CUBN: variants seen among roughly 807,000 people sequenced by gnomAD.
CUBN encodes 460 kDa receptor.
Under a neutral mutation model 405.3 loss-of-function variants are expected in CUBN, and 282 were observed. The ratio of observed to expected loss-of-function variants is 0.70; its 90% CI spans 0.63 to 0.77. CUBN has a LOEUF of 0.77. CUBN is among the 30% of genes least tolerant of loss of function. CUBN has a pLI of 0.00. For missense variants in CUBN, 4,514 were observed against 4,475.2 expected (o/e 1.01, Z -0.25); for synonymous variants, 1,684 against 1,617.0 (o/e 1.04, Z -0.99).
At chr10:17,013,984 G>C (rs545445709) in intron 28 of CUBN, among the ~76,000 whole-genome samples, 2 of 152,304 alleles carry the variant, frequency 1.3e-5, no homozygotes, top group African/African-American at 2.4e-5. Flanking sequence ...CATCCTCTGG[G>C]AGAAAAGTGG....
intron 8 of CUBN, 79 bp downstream of exon 8, chr10:17,113,945 CTCA>C: frequency 7.4e-7 from 1 of 1,352,284 alleles, no homozygotes; most frequent in African/African-American, 1.4e-5. Flanking sequence ...TGTCTTCTTA[CTCA>C]TCAATAGTGA....
intron 35 of CUBN, among the ~76,000 whole-genome samples, chr10:16,947,758 C>T (rs1349097868): frequency 4.6e-5 from 7 of 152,218 alleles, no homozygotes; most frequent in African/African-American, 1.7e-4. Flanking sequence ...GAAATGCACA[C>T]ACCAATCTTC....
intron 13 of CUBN, 47 bp from the exon 14 acceptor site, chr10:17,100,286 T>A: frequency 7.8e-7 from 1 of 1,278,592 alleles, no homozygotes; most frequent in African/African-American, 1.5e-5. Flanking sequence ...TCCATGTAAA[T>A]TTTAAAGTAT....
chr10:17,118,104 A>G (rs1836947739), intron 6 of CUBN, among the ~76,000 whole-genome samples: 1 of 152,078 alleles, frequency 6.6e-6, no homozygotes, highest in Non-Finnish European at 1.5e-5. Context: ...TGCTATTATC[A>G]CTGGGAGATG....
In CUBN at chr10:17,089,858, C is replaced by T. The variant is rs138992522; in HGVS notation, c.1766-1513G>A. On this transcript the variant is annotated intron_variant, in intron 14 of 66. Transcript: ENST00000377833. The stretch of plus-strand genomic sequence containing the variant: ...TTGGAAACAAGACTGGGTGTGATGT[C>T]TCATGCTTGTAGTCCCAGCACTTTG... Among the ~76,000 whole-genome samples, 331 of 152,222 alleles carry T rather than the reference C, an allele frequency of 2.2e-3. 1 individual carries two copies. The highest frequency in any genetic ancestry group is 7.6e-3 in the African/African-American group (315 of 41,548).
intron 56 of CUBN, among the ~76,000 whole-genome samples, chr10:16,887,071 A>C (rs916015157): frequency 6.6e-6 from 1 of 152,226 alleles, no homozygotes. Flanking sequence ...TATAGGCGTG[A>C]GCCACCGTGC....
At chr10:16,890,296 T>G in intron 55 of CUBN, 75 bp downstream of exon 55, 1 of 1,503,174 alleles carries the variant, frequency 6.7e-7, no homozygotes, top group Non-Finnish European at 9.2e-7. Context: ...GACCCCCAGG[T>G]TTAGCCAACC....
At chr10:16,909,191 T>A (rs1037595587) in intron 48 of CUBN, among the ~76,000 whole-genome samples, 14 of 152,332 alleles carry the variant, frequency 9.2e-5, no homozygotes, top group African/African-American at 3.1e-4. Flanking sequence ...GGCCAAGATG[T>A]CATCTCTTTA....
chr10:16,908,729 T>C (rs1234877925), intron 48 of CUBN, among the ~76,000 whole-genome samples: 2 of 152,232 alleles, frequency 1.3e-5, no homozygotes, highest in African/African-American at 4.8e-5. Context: ...ATGAAATAAC[T>C]GAACAATAAT....
chr10:16,856,886 T>C (rs914190706), intron 59 of CUBN, among the ~76,000 whole-genome samples: 10 of 152,192 alleles, frequency 6.6e-5, no homozygotes, highest in African/African-American at 1.7e-4. Context: ...TTAAAGCTGG[T>C]GCCTTAGGGA....
At chr10:16,875,088 A>G (rs959329534) in intron 57 of CUBN, among the ~76,000 whole-genome samples, 1 of 151,958 alleles carries the variant, frequency 6.6e-6, no homozygotes, top group Non-Finnish European at 1.5e-5. Context: ...TGAGACTGGT[A>G]AGGACTAAAC....
chr10:16,974,703 C>T (rs538838095), intron 31 of CUBN, among the ~76,000 whole-genome samples: 20 of 152,246 alleles, frequency 1.3e-4, no homozygotes, highest in African/African-American at 4.8e-4. Flanking sequence ...GAGGTTTGAA[C>T]TGCCTGGGTC....
chr10:17,056,238 T>G (rs1835392640), intron 22 of CUBN, among the ~76,000 whole-genome samples: 1 of 152,092 alleles, frequency 6.6e-6, no homozygotes, highest in South Asian at 2.1e-4. Flanking sequence ...CTAAACACAC[T>G]TGGACACATA....
rs1842615566 is a variant in CUBN, at chr10:16,940,170, T to C, written c.5410A>G (p.Thr1804Ala). The change falls in exon 37 of 67, where the codon ACG becomes GCG. Residue 1804 changes from threonine (T) to alanine (A), a missense_variant. Thr to Ala is a moderately conservative substitution (Grantham distance 58). Coordinates refer to ENST00000377833, the MANE Select transcript of CUBN (RefSeq NM_001081.4). ...CAGTATCGTCCCACCAAGTGACCCG[T>C]GGCATTTCCTTCACGGATCTCCACA... Reference protein sequence around the residue: ...DFVEIREGNATGHLVGRYCGN... With the variant: ...DFVEIREGNAAGHLVGRYCGN... 6.2e-7 allele frequency: 1 copy of C among 1,614,026 alleles called. No individual in the cohort carries two copies. Among genetic ancestry groups the C allele is most frequent in the Admixed American group, 1.7e-5 (1 of 59,998 alleles).
In CUBN at chr10:17,067,635, C is replaced by T. The variant is rs575142249; in HGVS notation, c.3008+429G>A. On this transcript the variant is annotated intron_variant, in intron 21 of 66. Coordinates refer to ENST00000377833, the MANE Select transcript of CUBN (RefSeq NM_001081.4). ...TCAATTTGATAAAACTACAAATCTT[C>T]GGATCCAAGAAGCTCAACAAAAATT... is the stretch of plus-strand genomic sequence containing the variant. 2.6e-5 allele frequency among the ~76,000 whole-genome samples: 4 copies of T among 152,146 alleles called. No individual in the cohort carries two copies. The East Asian group carries it at 5.8e-4, about 22-fold the overall frequency.
chr10:16,889,989 T>A (rs2796841), intron 55 of CUBN, among the ~76,000 whole-genome samples: 110,599 of 146,342 alleles, frequency 0.76, 42,601 homozygotes, highest in African/African-American at 0.87. Context: ...CTGAATTCAG[T>A]TGGGCCTGGA....
At chr10:17,051,718 T>C (rs1033421039) in intron 22 of CUBN, among the ~76,000 whole-genome samples, 1 of 151,908 alleles carries the variant, frequency 6.6e-6, no homozygotes, top group Non-Finnish European at 1.5e-5. Flanking sequence ...CAGTAAACTT[T>C]AATATGTATT....
intron 29 of CUBN, among the ~76,000 whole-genome samples, chr10:16,986,376 T>A (rs183572987): frequency 4.0e-5 from 6 of 151,664 alleles, no homozygotes; most frequent in African/African-American, 1.4e-4. Flanking sequence ...ATCACTCAAG[T>A]GTTCTCTGGG....
intron 17 of CUBN, among the ~76,000 whole-genome samples, chr10:17,081,843 C>T (rs1210946034): frequency 6.6e-6 from 1 of 152,166 alleles, no homozygotes; most frequent in African/African-American, 2.4e-5. Flanking sequence ...AAGGTCCTTG[C>T]TGATGCCAAA....
Sources: allele counts gnomAD v4.1 joint callset (sites outside exome capture counted in the v4.1 genomes callset), GRCh38; gene constraint gnomAD v4.1.1; transcripts MANE v1.5; gene names NCBI Gene and HGNC (gene_info 2026-07-23, HGNC 2026-07-21).